The following IPO11 variants were observed in gnomAD, a reference collection of about 807,000 sequenced individuals.
The protein encoded by IPO11 is importin-11.
A neutral mutation model predicts 143.2 loss-of-function variants in IPO11; 66 were observed. The observed-to-expected ratio is 0.46, with a 90% CI of 0.38 to 0.57. The LOEUF (loss-of-function observed/expected upper bound fraction) is 0.57. Ranked by LOEUF, IPO11 falls within the 20% of genes least tolerant of loss-of-function variation. The pLI is 0.00. For synonymous variants in IPO11, 385 were observed against 377.8 expected (o/e 1.02, Z -0.22); for missense variants, 1,026 against 1,141.0 (o/e 0.90, Z 1.45).
chr5:62,419,197 AAAT>A (rs1229167580), intron 1 of IPO11: 1 of 1,500,330 alleles, frequency 6.7e-7, no homozygotes, highest in East Asian at 2.5e-5. Flanking sequence ...TAGAAGTAAA[AAAT>A]GGTACATCTG....
At chr5:62,514,462 C>A (rs960848039) in intron 19 of IPO11, among the ~76,000 whole-genome samples, 3 of 151,802 alleles carry the variant, frequency 2.0e-5, no homozygotes, top group African/African-American at 7.3e-5. Flanking sequence ...CGTGGCGGCG[C>A]ACGCCTGCAA....
At chr5:62,607,034 T>A (rs919750820) in intron 29 of IPO11, among the ~76,000 whole-genome samples, 2 of 152,222 alleles carry the variant, frequency 1.3e-5, no homozygotes, top group Non-Finnish European at 2.9e-5. Context: ...AATACTGTAC[T>A]GGCTCAAGGA....
intron 27 of IPO11, chr5:62,561,856 A>T (rs1356735528): frequency 6.6e-6 from 1 of 152,188 alleles, no homozygotes; most frequent in African/African-American, 2.4e-5. Flanking sequence ...GACAGTCAGT[A>T]CCTAGTTCTC....
chr5:62,426,003 C>T (rs150029873), intron 1 of IPO11, among the ~76,000 whole-genome samples: 16 of 152,322 alleles, frequency 1.1e-4, no homozygotes, highest in African/African-American at 3.9e-4. Context: ...AAAACCCCTG[C>T]TGTTTGATTA....
At chr5:62,495,155 T>C (rs1043353950) in intron 16 of IPO11, among the ~76,000 whole-genome samples, 4 of 152,202 alleles carry the variant, frequency 2.6e-5, no homozygotes, top group African/African-American at 9.7e-5. Flanking sequence ...ATTTGAGAAT[T>C]TAAGTACCAT....
chr5:62,421,720 T>C (rs772441478), intron 1 of IPO11, among the ~76,000 whole-genome samples: 3 of 152,242 alleles, frequency 2.0e-5, no homozygotes, highest in Non-Finnish European at 4.4e-5. Flanking sequence ...TTAACTTATA[T>C]GGACTCACAA....
At chr5:62,591,705 C>A in intron 28 of IPO11, 33 bp downstream of exon 28, 1 of 1,390,130 alleles carries the variant, frequency 7.2e-7, no homozygotes, top group Non-Finnish European at 1.0e-6. Flanking sequence ...CATAATTGGA[C>A]TTGGGGGATA....
intron 16 of IPO11, among the ~76,000 whole-genome samples, chr5:62,502,290 A>T (rs1741372362): frequency 6.6e-6 from 1 of 152,182 alleles, no homozygotes; most frequent in African/African-American, 2.4e-5. Context: ...GAAATGTGTT[A>T]GACTTTTCTA....
At chr5:62,553,864 C>T (rs1483049532) in intron 26 of IPO11, among the ~76,000 whole-genome samples, 1 of 151,992 alleles carries the variant, frequency 6.6e-6, no homozygotes, top group Non-Finnish European at 1.5e-5. Flanking sequence ...GTGAATCTCT[C>T]GCCTCAGCCT....
chr5:62,418,301 G>C (rs1466994939), intron 1 of IPO11, among the ~76,000 whole-genome samples: 1 of 152,036 alleles, frequency 6.6e-6, no homozygotes, highest in African/African-American at 2.4e-5. Context: ...GAGTAGCTGG[G>C]ATTACAGACG....
rs1744551273 is a variant in IPO11 at position 62,443,038 on chromosome 5, A to G, written c.194A>G (p.Tyr65Cys). ...AATGTAAGGTGGCTTGCTGTACTGT[A>G]TTTTAAACATGGAATTGATCGCTAC... is the stretch of plus-strand genomic sequence containing the variant. Reference protein sequence around the residue: ...DINVRWLAVLYFKHGIDRYWR... With the variant: ...DINVRWLAVLCFKHGIDRYWR... Residue 65 changes from tyrosine (Y) to cysteine (C), a missense_variant, in exon 3 of 30, where the codon TAT (tyrosine) becomes TGT (cysteine). Physicochemically the swap from Tyr to Cys is radical, Grantham distance 194. This residue lies in a region of IPO11 where 429 missense variants were observed against 456.3 expected (regional missense o/e 0.94). Coordinates refer to ENST00000325324, the MANE Select transcript of IPO11 (RefSeq NM_016338.5). 1.9e-6 allele frequency: 3 copies of G among 1,612,718 alleles called. No homozygotes were observed. The highest frequency in any genetic ancestry group is 1.7e-5 in the Admixed American group (1 of 59,866).
chr5:62,455,566 A>T (rs1208616901), intron 5 of IPO11, among the ~76,000 whole-genome samples: 3 of 152,140 alleles, frequency 2.0e-5, no homozygotes, highest in Non-Finnish European at 4.4e-5. Context: ...TGGTTGCTAT[A>T]GCAAAGTGTA....
At chr5:62,566,369 C>G (rs1210545518) in intron 27 of IPO11, among the ~76,000 whole-genome samples, 4 of 152,140 alleles carry the variant, frequency 2.6e-5, no homozygotes, top group Non-Finnish European at 5.9e-5. Flanking sequence ...TTGCATTTCT[C>G]TAATGATCAA....
intron 1 of IPO11, among the ~76,000 whole-genome samples, chr5:62,427,718 C>T (rs528684632): frequency 6.6e-6 from 1 of 152,316 alleles, no homozygotes; most frequent in South Asian, 2.1e-4. Flanking sequence ...ACAGTTTCAT[C>T]CAGAAACCAT....
intron 1 of IPO11, among the ~76,000 whole-genome samples, chr5:62,427,018 A>G (rs1217097370): frequency 7.1e-6 from 1 of 141,304 alleles, no homozygotes; most frequent in Non-Finnish European, 1.5e-5. Flanking sequence ...GCTCCCTGCA[A>G]TTTCTGCCTC....
At chr5:62,482,483 T>G (rs965706834) in intron 9 of IPO11, among the ~76,000 whole-genome samples, 2 of 152,220 alleles carry the variant, frequency 1.3e-5, no homozygotes, top group African/African-American at 4.8e-5. Context: ...TCTGGTACAT[T>G]GTGTCTTTGT....
chr5:62,603,321 A>G (rs10054305), intron 29 of IPO11, among the ~76,000 whole-genome samples: 91,948 of 152,078 alleles, frequency 0.6, 28,204 homozygotes, highest in South Asian at 0.68. Flanking sequence ...GGTGGGTTAA[A>G]TCAAGGAATA....
chr5:62,537,659 G>A (rs1374579444), intron 24 of IPO11, among the ~76,000 whole-genome samples: 1 of 152,102 alleles, frequency 6.6e-6, no homozygotes, highest in African/African-American at 2.4e-5. Flanking sequence ...CATTTTGTTA[G>A]TCTGCTGTTG....
chr5:62,457,269 C>G (rs548978114), intron 5 of IPO11, among the ~76,000 whole-genome samples: 1 of 151,876 alleles, frequency 6.6e-6, no homozygotes, highest in South Asian at 2.1e-4. Flanking sequence ...TGGGAGGATC[C>G]TTGGGGCCAG....
Sources: allele counts gnomAD v4.1 joint callset (sites outside exome capture counted in the v4.1 genomes callset), GRCh38; gene constraint gnomAD v4.1.1; regional missense constraint gnomAD v4.1.1; transcripts MANE v1.5; gene names NCBI Gene and HGNC (gene_info 2026-07-23, HGNC 2026-07-21).